The following PIP4K2A variants were observed in gnomAD, a reference collection of about 807,000 sequenced individuals.
PIP4K2A encodes phosphatidylinositol-5-phosphate 4-kinase type 2 alpha, also known as phosphatidylinositol 5-phosphate 4-kinase type-2 alpha.
Under a neutral mutation model 42.9 loss-of-function variants are expected in PIP4K2A, and 14 were observed. The ratio of observed to expected loss-of-function variants is 0.33; its 90% CI spans 0.22 to 0.51. The LOEUF is 0.51. PIP4K2A is among the 20% of genes least tolerant of loss of function. The probability of loss-of-function intolerance (pLI) is 0.97; values close to 1 mark genes in which losing one functional copy is unlikely to be tolerated. For synonymous variants in PIP4K2A, 192 were observed against 192.2 expected (o/e 1.00, Z 0.01); for missense variants, 434 against 519.8 (o/e 0.83, Z 1.61).
At chr10:22,601,130 CAA>C (rs1188396077) in intron 3 of PIP4K2A, among the ~76,000 whole-genome samples, 65 of 31,884 alleles carry the variant, frequency 2.0e-3, no homozygotes, top group South Asian at 7.3e-3. Context: ...GAGACTGTCT[CAA>C]AAAAAAAAAA....
At chr10:22,546,208 G>T (rs1039400608) in intron 7 of PIP4K2A, among the ~76,000 whole-genome samples, 2 of 152,134 alleles carry the variant, frequency 1.3e-5, no homozygotes, top group African/African-American at 2.4e-5. Flanking sequence ...GGGTGTCGAA[G>T]AATTAAGATA....
chr10:22,660,541 G>C (rs7924019), intron 1 of PIP4K2A, among the ~76,000 whole-genome samples: 21,429 of 152,032 alleles, frequency 0.14, 1,822 homozygotes, highest in African/African-American at 0.23. Flanking sequence ...AGGCAGGAAA[G>C]AAGATGCAAG....
At chr10:22,704,492 T>A (rs900667948) in intron 1 of PIP4K2A, among the ~76,000 whole-genome samples, 3 of 151,904 alleles carry the variant, frequency 2.0e-5, no homozygotes, top group African/African-American at 7.3e-5. Flanking sequence ...TTTTCACTCC[T>A]GCTATGAAAA....
intron 1 of PIP4K2A, among the ~76,000 whole-genome samples, chr10:22,613,302 G>A (rs573615934): frequency 1.7e-4 from 26 of 152,192 alleles, no homozygotes; most frequent in African/African-American, 6.0e-4. Context: ...AGCCTGGCAG[G>A]GAAGGACAGG....
intron 1 of PIP4K2A, among the ~76,000 whole-genome samples, chr10:22,617,123 A>C (rs760982562): frequency 2.0e-5 from 3 of 152,240 alleles, no homozygotes; most frequent in Non-Finnish European, 2.9e-5. Context: ...CATTTACATC[A>C]CATGCAAGTT....
intron 4 of PIP4K2A, 118 bp from the exon 5 acceptor site, chr10:22,573,575 CT>C: frequency 1.3e-6 from 1 of 791,586 alleles, no homozygotes; most frequent in Non-Finnish European, 2.0e-6. Flanking sequence ...CCATTAGGGT[CT>C]TATTTACAGA....
chr10:22,540,108 T>C, intron 8 of PIP4K2A, 34 bp from the exon 9 acceptor site: 1 of 1,045,534 alleles, frequency 9.6e-7, no homozygotes, highest in East Asian at 2.4e-5. Flanking sequence ...CTGTGGGACA[T>C]GTGACAACAC....
intron 1 of PIP4K2A, among the ~76,000 whole-genome samples, chr10:22,683,017 G>T (rs1839692533): frequency 1.3e-5 from 2 of 151,742 alleles, no homozygotes; most frequent in African/African-American, 2.4e-5. Context: ...CTTTATTTTT[G>T]CGTAGCTGAG....
intron 3 of PIP4K2A, among the ~76,000 whole-genome samples, chr10:22,598,942 T>A (rs1039235182): frequency 2.6e-5 from 4 of 152,238 alleles, no homozygotes; most frequent in African/African-American, 9.6e-5. Context: ...ATTTGATAGT[T>A]TCATATTATA....
rs574225277 is a variant in PIP4K2A, at chr10:22,648,105, T to C, written c.145-38388A>G. Among the ~76,000 whole-genome samples the C allele has an allele frequency of 1.2e-4, 19 of 152,332 alleles. No homozygotes were observed. The South Asian group carries it at 3.9e-3, about 32-fold the overall frequency. On this transcript the variant is annotated intron_variant, in intron 1 of 9. Transcript: ENST00000376573. ...CCTGGAATATTCAAGCCCTGACTTA[T>C]CTTCCTTCCAGTCTCTGTCCTTTCA...
At chr10:22,676,189 T>G (rs114195957) in intron 1 of PIP4K2A, among the ~76,000 whole-genome samples, 1 of 152,098 alleles carries the variant, frequency 6.6e-6, no homozygotes, top group South Asian at 2.1e-4. Context: ...CCAGTAACAG[T>G]GCTTTCATTT....
chr10:22,580,135 T>C (rs1224356078), intron 4 of PIP4K2A, among the ~76,000 whole-genome samples: 2 of 151,814 alleles, frequency 1.3e-5, no homozygotes, highest in African/African-American at 4.9e-5. Flanking sequence ...GGTTGTATCT[T>C]TAATGCATGA....
intron 1 of PIP4K2A, among the ~76,000 whole-genome samples, chr10:22,672,488 T>A (rs1037829265): frequency 2.6e-5 from 4 of 152,272 alleles, no homozygotes; most frequent in Admixed American, 2.6e-4. Context: ...TGCTGATTTT[T>A]AAATTACAAT....
At position 22,714,551 on chromosome 10, in the gene PIP4K2A, G is replaced by T. The variant is rs1310474660; in HGVS notation, c.-225C>A. ...GCGCCCCGGCCCGTATCCTGCGCCCGCCGCGGATCCGCGCTCAGCCCGCGG... is the reference window on the plus strand; with the variant it reads ...GCGCCCCGGCCCGTATCCTGCGCCCTCCGCGGATCCGCGCTCAGCCCGCGG... On this transcript the variant is annotated 5_prime_UTR_variant, in exon 1 of 10. Coordinates refer to ENST00000376573, the MANE Select transcript of PIP4K2A (RefSeq NM_005028.5). 6.7e-6 allele frequency: 1 copy of T among 148,214 alleles called. No homozygotes were observed. Among genetic ancestry groups the T allele is most frequent in the Non-Finnish European group, 1.5e-5 (1 of 67,658 alleles). 9.2% of individuals were successfully genotyped at this position (148,214 alleles called of 1,614,324 possible).
Position 22,536,857 on chromosome 10 carries a change from T to C in PIP4K2A, c.*344A>G, listed in dbSNP as rs1012583003. 1 of 181,626 alleles carries C rather than the reference T, an allele frequency of 5.5e-6. No homozygotes were observed. Among genetic ancestry groups the C allele is most frequent in the Admixed American group, 6.2e-5 (1 of 16,036 alleles). 11.3% of individuals were successfully genotyped at this position (181,626 alleles called of 1,614,324 possible). ...ACTCACTCACTCATTCATTCGGCCA[T>C]AGCTGGAATCAAAGGGTCTTTGTTG... On this transcript the variant is annotated 3_prime_UTR_variant, in exon 10 of 10. Transcript: ENST00000376573.
At chr10:22,706,093 C>A (rs977236655) in intron 1 of PIP4K2A, among the ~76,000 whole-genome samples, 1 of 152,026 alleles carries the variant, frequency 6.6e-6, no homozygotes, top group African/African-American at 2.4e-5. Context: ...GGGAAAACTG[C>A]CCCCATGATT....
chr10:22,595,835 T>A (rs1048355311), intron 3 of PIP4K2A, among the ~76,000 whole-genome samples: 1 of 152,182 alleles, frequency 6.6e-6, no homozygotes, highest in Non-Finnish European at 1.5e-5. Context: ...TCCGGGTCTA[T>A]GAAGTGATGG....
Position 22,561,565 on chromosome 10 carries a change from G to GTTTTTTTTTTTTTTTTTTTT in PIP4K2A, c.678+6266_678+6285dup, listed in dbSNP as rs71394001. Among the ~76,000 whole-genome samples, 13 of 113,500 alleles carry GTTTTTTTTTTTTTTTTTTTT rather than the reference G, an allele frequency of 1.1e-4. 6 individuals carry two copies. Among genetic ancestry groups the GTTTTTTTTTTTTTTTTTTTT allele is most frequent in the African/African-American group, 1.8e-4 (5 of 28,314 alleles). 74.5% of individuals were successfully genotyped at this position (113,500 alleles called of 152,430 possible). ...TATGTCACCAGAGATTCTCTACGCAGTTTTTTTTTTTTTTTTTTTTTTTTT... is the reference window on the plus strand; with the variant it reads ...TATGTCACCAGAGATTCTCTACGCAGTTTTTTTTTTTTTTTTTTTTTTTTTTTTTTTTTTTTTTTTTTTTT... On this transcript the variant is annotated intron_variant, in intron 6 of 9. Transcript: ENST00000376573.
intron 3 of PIP4K2A, among the ~76,000 whole-genome samples, chr10:22,600,370 C>T (rs1176871935): frequency 6.6e-6 from 1 of 152,102 alleles, no homozygotes; most frequent in African/African-American, 2.4e-5. Context: ...CACGTGACAG[C>T]CATCTCCTCA....
Sources: gnomAD v4.1 joint callset for allele counts (sites outside exome capture counted in the v4.1 genomes callset) on GRCh38, gnomAD v4.1.1 for gene constraint, MANE v1.5 for transcripts, NCBI Gene and HGNC (gene_info 2026-07-23, HGNC 2026-07-21) for gene names.